Variants in TTC7B observed in about 807,000 individuals in gnomAD.
The protein encoded by TTC7B is tetratricopeptide repeat protein 7B.
Under a neutral mutation model 106.8 loss-of-function variants are expected in TTC7B, and 28 were observed. The observed-to-expected ratio is 0.26, with a 90% CI of 0.19 to 0.36. TTC7B has a LOEUF of 0.36. Among genes scored for constraint, TTC7B ranks in the 10% least tolerant of loss-of-function variants. The pLI is 1.00. For synonymous variants in TTC7B, 405 were observed against 430.6 expected (o/e 0.94, Z 0.74); for missense variants, 862 against 1,076.4 (o/e 0.80, Z 2.79).
chr14:90,728,780 C>T (rs1208746385), intron 5 of TTC7B, among the ~76,000 whole-genome samples: 1 of 152,214 alleles, frequency 6.6e-6, no homozygotes. Context: ...GGGTCCGGAC[C>T]TCCATATTAA....
At chr14:90,735,735 T>C (rs1466683577) in intron 4 of TTC7B, among the ~76,000 whole-genome samples, 1 of 151,634 alleles carries the variant, frequency 6.6e-6, no homozygotes, top group Non-Finnish European at 1.5e-5. Context: ...TACTAAAGTC[T>C]ATAGAACAAA....
chr14:90,555,574 C>T (rs1023616748), intron 19 of TTC7B, among the ~76,000 whole-genome samples: 3 of 152,192 alleles, frequency 2.0e-5, no homozygotes, highest in Non-Finnish European at 2.9e-5. Flanking sequence ...GGCTCCCTTC[C>T]CTGCAACCTG....
At chr14:90,718,751 AAGTAC>A (rs1888757249) in intron 5 of TTC7B, among the ~76,000 whole-genome samples, 1 of 151,658 alleles carries the variant, frequency 6.6e-6, no homozygotes, top group African/African-American at 2.4e-5. Context: ...TGAAAATGAA[AAGTAC>A]ATCCATTTAT....
rs1273495235 is a variant in TTC7B at position 90,531,599 on chromosome 14, A to G, written c.*9769T>C. 6.7e-6 allele frequency: 1 copy of G among 149,310 alleles called. No individual in the cohort carries two copies. Among genetic ancestry groups the G allele is most frequent in the Non-Finnish European group, 1.5e-5 (1 of 67,748 alleles). The allele number at this position is 149,310 out of a possible 1,614,324, so 9.2% of individuals were successfully genotyped here. ...GTGCCATTGCGCTCCAGCCTGGACA[A>G]CAAGAGCGAAACTCCTTCTCAAAAA... On this transcript the variant is annotated 3_prime_UTR_variant, in exon 20 of 20. Transcript: ENST00000328459.
intron 3 of TTC7B, among the ~76,000 whole-genome samples, chr14:90,755,261 C>T (rs553250224): frequency 1.3e-5 from 2 of 152,290 alleles, no homozygotes; most frequent in East Asian, 1.9e-4. Context: ...GGGTGGACCA[C>T]GTGGTAACCT....
intron 5 of TTC7B, among the ~76,000 whole-genome samples, chr14:90,702,641 T>A (rs1888040078): frequency 1.3e-5 from 2 of 152,210 alleles, no homozygotes; most frequent in Admixed American, 1.3e-4. Context: ...AAAAAGATAT[T>A]CCCCAGTTTG....
At chr14:90,791,316 G>A (rs1034238591) in intron 1 of TTC7B, among the ~76,000 whole-genome samples, 5 of 152,138 alleles carry the variant, frequency 3.3e-5, no homozygotes, top group African/African-American at 1.2e-4. Flanking sequence ...TAAGGAGGAG[G>A]CCTAAAGGAA....
At chr14:90,581,658 G>T (rs1891495039) in intron 18 of TTC7B, among the ~76,000 whole-genome samples, 1 of 152,212 alleles carries the variant, frequency 6.6e-6, no homozygotes, top group Non-Finnish European at 1.5e-5. Context: ...GCCTCTCCCA[G>T]TTAGAGCATT....
At chr14:90,740,426 C>A (rs1170035076) in intron 4 of TTC7B, among the ~76,000 whole-genome samples, 4 of 150,550 alleles carry the variant, frequency 2.7e-5, no homozygotes, top group Admixed American at 2.0e-4. Context: ...CTGGCTTCAG[C>A]ACAAGAAAGG....
rs1233539920 is a variant in TTC7B at position 90,532,603 on chromosome 14, CCT to C, written c.*8763_*8764del. On this transcript the variant is annotated 3_prime_UTR_variant, in exon 20 of 20. Coordinates refer to ENST00000328459, the MANE Select transcript of TTC7B (RefSeq NM_001010854.2). ...CCAGCCAATCTAAAGTAACCCTCCCCCTGTCACTTCAAATTTGCTCTAATCAT... is the reference window on the plus strand; with the variant it reads ...CCAGCCAATCTAAAGTAACCCTCCCCGTCACTTCAAATTTGCTCTAATCAT... The C allele has an allele frequency of 2.6e-5, 4 of 152,378 alleles. No individual in the cohort carries two copies. Among genetic ancestry groups the C allele is most frequent in the South Asian group, 4.2e-4 (2 of 4,818 alleles). The allele number at this position is 152,378 out of a possible 1,614,324, so 9.4% of individuals were successfully genotyped here.
intron 18 of TTC7B, among the ~76,000 whole-genome samples, chr14:90,585,138 C>T (rs1595179640): frequency 6.6e-6 from 1 of 152,320 alleles, no homozygotes; most frequent in Non-Finnish European, 1.5e-5. Context: ...TTGAGCACAG[C>T]CCAGGCTCTG....
At chr14:90,794,213 T>C (rs1260316058) in intron 1 of TTC7B, among the ~76,000 whole-genome samples, 1 of 30,210 alleles carries the variant, frequency 3.3e-5, no homozygotes, top group Non-Finnish European at 1.2e-4. Flanking sequence ...GGGTATTTCT[T>C]TTTTTTTTTT....
chr14:90,812,081 C>G (rs968385813), intron 1 of TTC7B, among the ~76,000 whole-genome samples: 4 of 152,180 alleles, frequency 2.6e-5, no homozygotes, highest in African/African-American at 9.7e-5. Context: ...CCCATTATGA[C>G]CATGTGCCCT....
intron 9 of TTC7B, among the ~76,000 whole-genome samples, chr14:90,672,137 C>A (rs185429455): frequency 5.5e-4 from 84 of 152,234 alleles, no homozygotes; most frequent in African/African-American, 1.9e-3. Flanking sequence ...TGTGCCCTGA[C>A]GTGTAAGTGT....
At chr14:90,566,038 G>A (rs1283901137) in intron 19 of TTC7B, among the ~76,000 whole-genome samples, 3 of 152,270 alleles carry the variant, frequency 2.0e-5, no homozygotes, top group Admixed American at 2.0e-4. Context: ...GAAACACAGT[G>A]AGCATGTGCT....
At chr14:90,646,400 T>G (rs956437923) in intron 14 of TTC7B, among the ~76,000 whole-genome samples, 30 of 152,224 alleles carry the variant, frequency 2.0e-4, no homozygotes, top group African/African-American at 6.5e-4. Context: ...CCGACAAAAC[T>G]TGCCCCTCCC....
rs2065559405 is a variant in TTC7B at position 90,807,538 on chromosome 14, C to T, written c.121+8637G>A. On this transcript the variant is annotated intron_variant, in intron 1 of 19. Coordinates refer to ENST00000328459, the MANE Select transcript of TTC7B (RefSeq NM_001010854.2). The surrounding 1 kb of genome is among the most constrained non-coding windows in gnomAD (Gnocchi z 4.1). Reference sequence around the variant, plus strand: ...ACCCTGCTGCCCAGAGGTTGAGCGACAATCCTGAACTGTAAGTTTCCCTGC... The same window carrying T: ...ACCCTGCTGCCCAGAGGTTGAGCGATAATCCTGAACTGTAAGTTTCCCTGC... Among the ~76,000 whole-genome samples the T allele has an allele frequency of 6.6e-6, 1 of 152,186 alleles. No homozygotes were observed. The highest frequency in any genetic ancestry group is 2.1e-4 in the South Asian group (1 of 4,834).
chr14:90,595,126 G>A (rs927168138), intron 17 of TTC7B, among the ~76,000 whole-genome samples: 32 of 152,208 alleles, frequency 2.1e-4, no homozygotes, highest in African/African-American at 7.2e-4. Context: ...GAGGTCAGGA[G>A]ATCGAGACCA....
At position 90,759,149 on chromosome 14, in the gene TTC7B, C is replaced by G. The variant is rs79625808; in HGVS notation, c.446-14227G>C. ...TCCTGCTCTTCTGTCCCACTCCGAC[C>G]CACTCCGGAGAGCCACGCTCTGAGC... On this transcript the variant is annotated intron_variant, in intron 3 of 19. Transcript: ENST00000328459. The surrounding 1 kb of genome is among the most constrained non-coding windows in gnomAD (Gnocchi z 4.1). Among the ~76,000 whole-genome samples the G allele has an allele frequency of 0.051, 7,764 of 152,178 alleles. 336 individuals carry two copies. Among genetic ancestry groups the G allele is most frequent in the African/African-American group, 0.12 (4,833 of 41,482 alleles).
Sources: allele counts gnomAD v4.1 joint callset (sites outside exome capture counted in the v4.1 genomes callset), GRCh38; gene constraint gnomAD v4.1.1; non-coding constraint Gnocchi (gnomAD v3.1); transcripts MANE v1.5; gene names NCBI Gene and HGNC (gene_info 2026-07-23, HGNC 2026-07-21).